The following SGCZ variants were observed in gnomAD, a reference collection of about 807,000 sequenced individuals.
SGCZ encodes zeta-sarcoglycan.
A neutral mutation model predicts 41.3 loss-of-function variants in SGCZ; 40 were observed. The observed-to-expected ratio is 0.97, with a 90% CI of 0.75 to 1.26. The LOEUF (loss-of-function observed/expected upper bound fraction) is 1.26, where lower values mean the gene tolerates loss of function less well. Among genes scored for constraint, SGCZ ranks in the 50% most tolerant of loss-of-function variants. The pLI, the probability that SGCZ is intolerant of heterozygous loss-of-function variation, is 0.00. For missense variants in SGCZ, 552 were observed against 369.8 expected (o/e 1.49, Z -4.04); for synonymous variants, 206 against 137.5 (o/e 1.50, Z -3.49).
chr8:14,265,538 G>A (rs28769717), intron 3 of SGCZ, among the ~76,000 whole-genome samples: 1 of 151,988 alleles, frequency 6.6e-6, no homozygotes, highest in Non-Finnish European at 1.5e-5. Context: ...GCTCTGTTTA[G>A]AAACAGCTAC....
intron 2 of SGCZ, among the ~76,000 whole-genome samples, chr8:14,326,373 C>A (rs1478185735): frequency 6.6e-6 from 1 of 151,594 alleles, no homozygotes; most frequent in Non-Finnish European, 1.5e-5. Context: ...ATATCAGCAA[C>A]AGAAAATACG....
chr8:14,601,928 G>A (rs1476451178), intron 1 of SGCZ, among the ~76,000 whole-genome samples: 3 of 152,036 alleles, frequency 2.0e-5, no homozygotes, highest in Non-Finnish European at 2.9e-5. Context: ...AGACCATCCG[G>A]GCTAACACGG....
chr8:14,916,641 T>C (rs540329321), intron 1 of SGCZ, among the ~76,000 whole-genome samples: 1 of 152,308 alleles, frequency 6.6e-6, no homozygotes, highest in South Asian at 2.1e-4. Context: ...TATTTTGTAG[T>C]TTTATAACTA....
At chr8:14,390,134 T>C (rs909052332) in intron 2 of SGCZ, among the ~76,000 whole-genome samples, 3 of 151,992 alleles carry the variant, frequency 2.0e-5, no homozygotes, top group African/African-American at 7.2e-5. Context: ...AGGACATCTA[T>C]TTATTTAGGA....
At chr8:14,789,799 C>A (rs1184203913) in intron 1 of SGCZ, among the ~76,000 whole-genome samples, 1 of 152,164 alleles carries the variant, frequency 6.6e-6, no homozygotes, top group South Asian at 2.1e-4. Context: ...ACTCTCAGTA[C>A]AAAATAAGTG....
At chr8:14,377,184 G>C (rs1361417933) in intron 2 of SGCZ, among the ~76,000 whole-genome samples, 3 of 152,184 alleles carry the variant, frequency 2.0e-5, no homozygotes, top group East Asian at 1.9e-4. Flanking sequence ...AGAGGGACTT[G>C]AGATTGAGTA....
chr8:14,198,696 G>A (rs575726709), intron 4 of SGCZ, among the ~76,000 whole-genome samples: 3 of 152,264 alleles, frequency 2.0e-5, no homozygotes, highest in East Asian at 1.9e-4. Context: ...TGAAGTCAGG[G>A]ACCACAAACG....
At chr8:15,090,814 C>G (rs1203126747) in intron 1 of SGCZ, among the ~76,000 whole-genome samples, 1 of 152,102 alleles carries the variant, frequency 6.6e-6, no homozygotes, top group Non-Finnish European at 1.5e-5. Context: ...GTGGAAATCT[C>G]AAGAGTGAAA....
intron 1 of SGCZ, among the ~76,000 whole-genome samples, chr8:15,236,450 C>A (rs1170735823): frequency 6.6e-6 from 1 of 151,342 alleles, no homozygotes; most frequent in African/African-American, 2.5e-5. Flanking sequence ...GGGGGGGTGC[C>A]TAAACATTCT....
chr8:14,968,272 G>T (rs576262381), intron 1 of SGCZ, among the ~76,000 whole-genome samples: 1 of 152,044 alleles, frequency 6.6e-6, no homozygotes, highest in Non-Finnish European at 1.5e-5. Context: ...TTTCTATTAA[G>T]ATTTTTGTGG....
chr8:15,024,827 T>A (rs1563447275), intron 1 of SGCZ, among the ~76,000 whole-genome samples: 1 of 151,968 alleles, frequency 6.6e-6, no homozygotes, highest in Non-Finnish European at 1.5e-5. Context: ...TCCCAGCTAC[T>A]AAGGAGGCTG....
At chr8:14,332,894 T>G (rs1243939207) in intron 2 of SGCZ, among the ~76,000 whole-genome samples, 1 of 149,646 alleles carries the variant, frequency 6.7e-6, no homozygotes, top group East Asian at 1.9e-4. Flanking sequence ...ATTATATGTG[T>G]GTCTATATAT....
At chr8:14,936,499 T>A (rs1800089011) in intron 1 of SGCZ, among the ~76,000 whole-genome samples, 1 of 151,874 alleles carries the variant, frequency 6.6e-6, no homozygotes. Flanking sequence ...CAGAGTATGG[T>A]TTCTATCAAA....
At chr8:14,549,092 C>T (rs914841642) in intron 2 of SGCZ, among the ~76,000 whole-genome samples, 5 of 151,924 alleles carry the variant, frequency 3.3e-5, no homozygotes, top group African/African-American at 1.2e-4. Context: ...TAATTACCAG[C>T]ATATCTTGCC....
intron 2 of SGCZ, among the ~76,000 whole-genome samples, chr8:14,374,944 G>T (rs975311488): frequency 6.6e-6 from 1 of 152,148 alleles, no homozygotes; most frequent in Non-Finnish European, 1.5e-5. Context: ...AATCAATAAA[G>T]GGGATGATTG....
chr8:14,096,514 G>T (rs6984849), intron 7 of SGCZ, among the ~76,000 whole-genome samples: 145,494 of 152,240 alleles, frequency 0.96, 69,622 homozygotes, highest in East Asian at 1. Context: ...TGCCAGTATT[G>T]TATGAGGATT....
intron 5 of SGCZ, among the ~76,000 whole-genome samples, chr8:14,158,038 C>T (rs931906328): frequency 3.3e-5 from 5 of 152,072 alleles, no homozygotes; most frequent in African/African-American, 1.2e-4. Flanking sequence ...CAAAAATTAT[C>T]CAGGGTGCTG....
At chr8:15,214,063 T>G (rs2117166976) in intron 1 of SGCZ, among the ~76,000 whole-genome samples, 1 of 152,200 alleles carries the variant, frequency 6.6e-6, no homozygotes, top group Admixed American at 6.5e-5. Context: ...GTATATTCAC[T>G]TTAGCCTTTC....
At chr8:15,088,954 G>A (rs1030995295) in intron 1 of SGCZ, among the ~76,000 whole-genome samples, 25 of 152,098 alleles carry the variant, frequency 1.6e-4, no homozygotes, top group East Asian at 3.9e-4. Context: ...ATGACGTCAC[G>A]TAGTCATAGG....
Sources: gnomAD v4.1 joint callset for allele counts (sites outside exome capture counted in the v4.1 genomes callset) on GRCh38, gnomAD v4.1.1 for gene constraint, MANE v1.5 for transcripts, NCBI Gene and HGNC (gene_info 2026-07-23, HGNC 2026-07-21) for gene names.